UNC5D: variants seen among roughly 807,000 people sequenced by gnomAD.
UNC5D encodes the protein netrin receptor UNC5D.
Under a neutral mutation model 105.4 loss-of-function variants are expected in UNC5D, and 39 were observed. That is an observed-to-expected ratio of 0.37 (90% CI 0.29 to 0.48). The LOEUF (loss-of-function observed/expected upper bound fraction) is 0.48, where lower values mean the gene tolerates loss of function less well. UNC5D is among the 20% of genes least tolerant of loss of function. UNC5D has a pLI of 0.98. For missense variants in UNC5D, 991 were observed against 1,202.4 expected (o/e 0.82, Z 2.60); for synonymous variants, 452 against 450.4 (o/e 1.00, Z -0.04).
At chr8:35,582,489 A>G (rs1050185933) in intron 3 of UNC5D, among the ~76,000 whole-genome samples, 1 of 152,196 alleles carries the variant, frequency 6.6e-6, no homozygotes, top group Non-Finnish European at 1.5e-5. Flanking sequence ...AGCAAAATGC[A>G]GCCTTCTTCC....
chr8:35,388,032 T>C (rs1007348818), intron 1 of UNC5D, among the ~76,000 whole-genome samples: 1 of 151,946 alleles, frequency 6.6e-6, no homozygotes, highest in Non-Finnish European at 1.5e-5. Flanking sequence ...GAAATAGTAC[T>C]GGGGAGGAAT....
intron 2 of UNC5D, among the ~76,000 whole-genome samples, chr8:35,550,994 A>C (rs1816092881): frequency 6.6e-6 from 1 of 152,220 alleles, no homozygotes; most frequent in South Asian, 2.1e-4. Context: ...AACTCAGTTT[A>C]ATCAATGGCA....
At chr8:35,434,969 C>A (rs558521709) in intron 1 of UNC5D, among the ~76,000 whole-genome samples, 1 of 151,960 alleles carries the variant, frequency 6.6e-6, no homozygotes, top group African/African-American at 2.4e-5. Flanking sequence ...GAGTTTTATT[C>A]TGGCCATATC....
rs140484437 is a variant in UNC5D, at chr8:35,384,361, C to G, written c.103+148474C>G. On this transcript the variant is annotated intron_variant, in intron 1 of 16. Coordinates refer to ENST00000404895, the MANE Select transcript of UNC5D (RefSeq NM_080872.4). ...TGTGTATGTGATTTGACACATGGTA[C>G]GTACTATAAATATGGGTGCACTCAC... is the stretch of plus-strand genomic sequence containing the variant. Among the ~76,000 whole-genome samples, 390 of 152,210 alleles carry G rather than the reference C, an allele frequency of 2.6e-3. 4 individuals are homozygous for G. Among genetic ancestry groups the G allele is most frequent in the African/African-American group, 8.7e-3 (360 of 41,522 alleles).
chr8:35,345,214 T>C (rs1002945839), intron 1 of UNC5D, among the ~76,000 whole-genome samples: 2 of 152,044 alleles, frequency 1.3e-5, no homozygotes, highest in Non-Finnish European at 2.9e-5. Context: ...CTGTTTACAT[T>C]TTATAAAGCC....
At chr8:35,599,535 G>C (rs1387792504) in intron 4 of UNC5D, among the ~76,000 whole-genome samples, 3 of 152,056 alleles carry the variant, frequency 2.0e-5, no homozygotes, top group Non-Finnish European at 4.4e-5. Context: ...TCACATCCAG[G>C]TGTTCAATAA....
At chr8:35,675,111 T>G (rs888992881) in intron 4 of UNC5D, among the ~76,000 whole-genome samples, 4 of 152,178 alleles carry the variant, frequency 2.6e-5, no homozygotes, top group African/African-American at 9.7e-5. Context: ...AAATTCAGTA[T>G]GAAAAATGTG....
At chr8:35,649,331 T>G (rs1293712198) in intron 4 of UNC5D, among the ~76,000 whole-genome samples, 1 of 152,146 alleles carries the variant, frequency 6.6e-6, no homozygotes, top group Non-Finnish European at 1.5e-5. Flanking sequence ...AGTTGCCCTG[T>G]CCTGATGGGC....
intron 1 of UNC5D, among the ~76,000 whole-genome samples, chr8:35,391,928 T>C (rs1446210232): frequency 2.0e-5 from 3 of 152,218 alleles, no homozygotes; most frequent in Non-Finnish European, 4.4e-5. Context: ...TCGTGTTCTT[T>C]AGCACAGGGA....
intron 1 of UNC5D, among the ~76,000 whole-genome samples, chr8:35,263,386 T>C (rs971094010): frequency 2.0e-5 from 3 of 152,274 alleles, no homozygotes; most frequent in South Asian, 4.1e-4. Context: ...ACTTAATAAA[T>C]TGTTATTTTT....
At chr8:35,382,737 A>G (rs1460933807) in intron 1 of UNC5D, among the ~76,000 whole-genome samples, 1 of 152,166 alleles carries the variant, frequency 6.6e-6, no homozygotes, top group Non-Finnish European at 1.5e-5. Context: ...AAGGGCATTA[A>G]CACTCGCCAG....
chr8:35,623,096 G>T (rs1441316804), intron 4 of UNC5D, among the ~76,000 whole-genome samples: 1 of 152,138 alleles, frequency 6.6e-6, no homozygotes, highest in African/African-American at 2.4e-5. Context: ...AGCTCCTAGT[G>T]ATAGAGTCAG....
At chr8:35,253,644 G>A (rs1173654207) in intron 1 of UNC5D, among the ~76,000 whole-genome samples, 4 of 151,592 alleles carry the variant, frequency 2.6e-5, no homozygotes, top group East Asian at 1.9e-4. Flanking sequence ...GTGCCACCAC[G>A]CCCAGCTAAT....
chr8:35,368,766 C>T (rs910629897), intron 1 of UNC5D, among the ~76,000 whole-genome samples: 3 of 152,012 alleles, frequency 2.0e-5, no homozygotes, highest in African/African-American at 7.2e-5. Flanking sequence ...GGGTGGTACC[C>T]TTATGATATT....
At position 35,243,655 on chromosome 8, in the gene UNC5D, C is replaced by T. The variant is rs184852989; in HGVS notation, c.103+7768C>T. 5.5e-3 allele frequency among the ~76,000 whole-genome samples: 839 copies of T among 152,188 alleles called. 5 individuals carry two copies. Among genetic ancestry groups the T allele is most frequent in the Middle Eastern group, 0.024 (7 of 294 alleles). ...AGTTAAGCAAGAGATAGAATGAGAA[C>T]AGTTGTTTTAAAAAAAACAGAGCAG... On this transcript the variant is annotated intron_variant, in intron 1 of 16. Transcript: ENST00000404895.
At chr8:35,446,443 A>G (rs1807800807) in intron 1 of UNC5D, among the ~76,000 whole-genome samples, 1 of 152,018 alleles carries the variant, frequency 6.6e-6, no homozygotes, top group African/African-American at 2.4e-5. Flanking sequence ...TAACCTCCAT[A>G]GCATTTGTTT....
intron 1 of UNC5D, among the ~76,000 whole-genome samples, chr8:35,492,096 CTTT>C (rs547762251): frequency 1.4e-5 from 2 of 141,784 alleles, no homozygotes; most frequent in Admixed American, 7.1e-5. Flanking sequence ...CACTTTTCTT[CTTT>C]TTTTTTTTTT....
chr8:35,342,426 CAG>C (rs1233122586), intron 1 of UNC5D, among the ~76,000 whole-genome samples: 3 of 152,080 alleles, frequency 2.0e-5, no homozygotes, highest in African/African-American at 7.2e-5. Context: ...TGTGGGAAAA[CAG>C]GGATTCATCA....
intron 1 of UNC5D, among the ~76,000 whole-genome samples, chr8:35,350,918 G>A (rs956078139): frequency 2.6e-5 from 4 of 151,966 alleles, no homozygotes; most frequent in African/African-American, 9.7e-5. Context: ...TCATTAAGTA[G>A]ATAATGTTTA....
Sources: gnomAD v4.1 joint callset for allele counts (sites outside exome capture counted in the v4.1 genomes callset) on GRCh38, gnomAD v4.1.1 for gene constraint, MANE v1.5 for transcripts, NCBI Gene and HGNC (gene_info 2026-07-23, HGNC 2026-07-21) for gene names.